The following CSMD1 variants were observed in gnomAD, a reference collection of about 807,000 sequenced individuals.
CSMD1 encodes the protein CUB and Sushi multiple domains 1, also known as CUB and sushi domain-containing protein 1.
A neutral mutation model predicts 417.5 loss-of-function variants in CSMD1; 213 were observed. The ratio of observed to expected loss-of-function variants is 0.51; its 90% CI spans 0.46 to 0.57. The LOEUF is 0.57. CSMD1 is among the 20% of genes least tolerant of loss of function. CSMD1 has a pLI of 0.00. For synonymous variants in CSMD1, 2,862 were observed against 1,736.8 expected, an observed-to-expected ratio of 1.65 and a Z score of -16.11; for missense variants, 6,923 against 4,529.7, an observed-to-expected ratio of 1.53 and a Z score of -15.17.
chr8:3,984,962 G>A (rs919334574), intron 5 of CSMD1, among the ~76,000 whole-genome samples: 1 of 152,014 alleles, frequency 6.6e-6, no homozygotes, highest in African/African-American at 2.4e-5. Flanking sequence ...AGAATTTGGT[G>A]AAGACTTGGG....
intron 26 of CSMD1, among the ~76,000 whole-genome samples, chr8:3,260,518 C>G (rs543085091): frequency 2.6e-5 from 4 of 152,096 alleles, no homozygotes; most frequent in Non-Finnish European, 4.4e-5. Context: ...GATAAACATT[C>G]CTCATTTCAT....
intron 10 of CSMD1, among the ~76,000 whole-genome samples, chr8:3,546,241 G>C (rs576873609): frequency 2.6e-5 from 4 of 150,984 alleles, no homozygotes; most frequent in Admixed American, 2.0e-4. Context: ...TGCCCTCAAT[G>C]GCTGGCCACG....
chr8:3,083,608 TTTTATATATATATATATATATATATA>T lies in CSMD1; in HGVS notation c.7474+3463_7474+3488del, dbSNP rs1268422024. Among the ~76,000 whole-genome samples the T allele has an allele frequency of 2.0e-3, 91 of 45,000 alleles. 4 individuals carry two copies. The highest frequency in any genetic ancestry group is 4.3e-3 in the African/African-American group (49 of 11,342). The allele number at this position is 45,000 out of a possible 152,430, so 29.5% of individuals were successfully genotyped here. A position where few individuals can be genotyped will look rare whatever the true frequency, so the allele number is the denominator to read the frequency against. ...CATCCACGGTGACAGTTACCATAAT[TTTTATATATATATATATATATATATA>T]TATATATATATATATTTTTTTTTTT... On this transcript the variant is annotated intron_variant, in intron 49 of 69. Transcript: ENST00000635120.
intron 54 of CSMD1, among the ~76,000 whole-genome samples, chr8:2,990,312 G>T (rs1291760883): frequency 6.6e-6 from 1 of 152,202 alleles, no homozygotes; most frequent in East Asian, 1.9e-4. Context: ...AGAACTGAAT[G>T]AGTTAACGTG....
intron 4 of CSMD1, among the ~76,000 whole-genome samples, chr8:4,030,366 C>T (rs917197270): frequency 1.3e-5 from 2 of 152,310 alleles, no homozygotes; most frequent in Admixed American, 1.3e-4. Context: ...CAAAGGTTCC[C>T]AAACCCAAAT....
chr8:4,230,785 A>G (rs1180897457), intron 3 of CSMD1, among the ~76,000 whole-genome samples: 1 of 152,154 alleles, frequency 6.6e-6, no homozygotes, highest in African/African-American at 2.4e-5. Flanking sequence ...CTTTCAAGTA[A>G]TTTTTACCTC....
At position 3,205,596 on chromosome 8, in the gene CSMD1, C is replaced by T. The variant is rs960975533; in HGVS notation, c.4892G>A (p.Gly1631Glu). The stretch of plus-strand genomic sequence containing the variant: ...TGGTGATAAAACTACCCCTTCTGAT[C>T]CCGTGTACTGGCCTCCACAGGGAGC... The part of the protein sequence containing the change: ...CNAPCGGQYT[G>E]SEGVVLSPNY... Residue 1631 changes from glycine to glutamate, a missense_variant, in exon 31 of 70, where the codon GGA becomes GAA. Physicochemically the swap from Gly to Glu is moderately conservative, Grantham distance 98. Transcript: ENST00000635120. The T allele has an allele frequency of 6.3e-7, 1 of 1,583,366 alleles. No individual in the cohort carries two copies. Among genetic ancestry groups the T allele is most frequent in the East Asian group, 2.3e-5 (1 of 44,370 alleles).
At position 2,978,825 on chromosome 8, in the gene CSMD1, C is replaced by A. The variant is rs569077181; in HGVS notation, c.8378-25G>T. 18 of 1,559,192 alleles carry A rather than the reference C, an allele frequency of 1.2e-5. No homozygotes were observed. The African/African-American group carries it at 2.3e-4, about 20-fold the overall frequency. On this transcript the variant is annotated intron_variant, in intron 54 of 69. Transcript: ENST00000635120. ...ACTAGAAAATAAAACATTTCACACA[C>A]CATTTAGAAACAGCTAGAAATAACA...
intron 4 of CSMD1, among the ~76,000 whole-genome samples, chr8:4,029,640 A>G (rs1049233396): frequency 6.6e-6 from 1 of 152,102 alleles, no homozygotes; most frequent in African/African-American, 2.4e-5. Context: ...CAGCCAAACC[A>G]TATCATTTCG....
intron 4 of CSMD1, among the ~76,000 whole-genome samples, chr8:4,018,861 C>A (rs1034722423): frequency 6.6e-6 from 1 of 152,084 alleles, no homozygotes; most frequent in Non-Finnish European, 1.5e-5. Flanking sequence ...GTGATGGAGT[C>A]TCATCTAAAC....
At chr8:2,994,629 A>T (rs965229202) in intron 54 of CSMD1, among the ~76,000 whole-genome samples, 1 of 152,230 alleles carries the variant, frequency 6.6e-6, no homozygotes, top group East Asian at 1.9e-4. Flanking sequence ...AAAGCCATCA[A>T]TGTTTTATCT....
chr8:4,329,217 T>G (rs929296070), intron 3 of CSMD1, among the ~76,000 whole-genome samples: 16 of 152,296 alleles, frequency 1.1e-4, no homozygotes, highest in Admixed American at 9.2e-4. Flanking sequence ...TACAAATTAT[T>G]TGGACCTTAT....
chr8:4,116,075 T>A (rs75094139), intron 3 of CSMD1, among the ~76,000 whole-genome samples: 1,621 of 152,038 alleles, frequency 0.011, 22 homozygotes, highest in African/African-American at 0.036. Flanking sequence ...CTTGGCTCAC[T>A]GCAACCTCCG....
intron 37 of CSMD1, among the ~76,000 whole-genome samples, chr8:3,175,475 C>CCTG (rs1554451319): frequency 7.5e-6 from 1 of 132,470 alleles, no homozygotes; most frequent in Non-Finnish European, 1.6e-5. Context: ...TCCTTCTTTT[C>CCTG]CCTTCCTTCC....
intron 55 of CSMD1, among the ~76,000 whole-genome samples, chr8:2,975,407 A>T (rs141578378): frequency 9.9e-4 from 151 of 152,336 alleles, no homozygotes; most frequent in Middle Eastern, 3.4e-3. Context: ...CCGATTTGAG[A>T]CTACCAAGGA....
At chr8:3,480,868 G>T (rs1286350511) in intron 11 of CSMD1, among the ~76,000 whole-genome samples, 1 of 151,974 alleles carries the variant, frequency 6.6e-6, no homozygotes, top group Non-Finnish European at 1.5e-5. Context: ...ATTAAGAGTA[G>T]GTGGTAGGCT....
chr8:4,889,051 G>A (rs1412377499), intron 1 of CSMD1, among the ~76,000 whole-genome samples: 1 of 152,110 alleles, frequency 6.6e-6, no homozygotes, highest in Non-Finnish European at 1.5e-5. Flanking sequence ...CAGGCAAGAA[G>A]GATGAATATG....
chr8:3,864,522 G>C (rs534558380), intron 5 of CSMD1, among the ~76,000 whole-genome samples: 5 of 152,284 alleles, frequency 3.3e-5, no homozygotes, highest in South Asian at 4.2e-4. Flanking sequence ...CAACGTGCAG[G>C]TTTGTTACAT....
At chr8:4,156,768 A>G (rs1482901771) in intron 3 of CSMD1, among the ~76,000 whole-genome samples, 2 of 152,182 alleles carry the variant, frequency 1.3e-5, no homozygotes, top group Non-Finnish European at 2.9e-5. Flanking sequence ...AAATCCAGAC[A>G]GTACAGACTT....
Sources: gnomAD v4.1 joint callset for allele counts (sites outside exome capture counted in the v4.1 genomes callset) on GRCh38, gnomAD v4.1.1 for gene constraint, MANE v1.5 for transcripts, NCBI Gene and HGNC (gene_info 2026-07-23, HGNC 2026-07-21) for gene names.